Variants in FSHR observed in about 807,000 individuals in gnomAD.
The protein encoded by FSHR is follicle stimulating hormone receptor, also known as follicle-stimulating hormone receptor.
FSHR carries 46 observed loss-of-function variants against 52.1 expected under a neutral mutation model. The observed-to-expected ratio is 0.88, with a 90% CI of 0.70 to 1.13. The LOEUF (loss-of-function observed/expected upper bound fraction) is 1.13. FSHR is among the 50% of genes most tolerant of loss of function. The pLI is 0.00. For missense variants in FSHR, 964 were observed against 834.6 expected (o/e 1.16, Z -1.91); for synonymous variants, 399 against 309.6 (o/e 1.29, Z -3.03).
At position 49,055,183 on chromosome 2, in the gene FSHR, T is replaced by A. The variant is rs952330174; in HGVS notation, c.224+13036A>T. Among the ~76,000 whole-genome samples, 5 of 151,244 alleles carry A rather than the reference T, an allele frequency of 3.3e-5. No homozygotes were observed. The East Asian group carries it at 7.8e-4, about 24-fold the overall frequency. ...GAGTGAGAAAAGTGGCAAAGAGATA[T>A]CACAAAAAAAGAGCCAAACAGAAAT... On this transcript the variant is annotated intron_variant, in intron 2 of 9. Coordinates refer to ENST00000406846, the MANE Select transcript of FSHR (RefSeq NM_000145.4).
At chr2:48,971,371 C>T (rs1048427985) in intron 8 of FSHR, among the ~76,000 whole-genome samples, 2 of 152,172 alleles carry the variant, frequency 1.3e-5, no homozygotes, top group Non-Finnish European at 1.5e-5. Context: ...GACTTCAGCT[C>T]TCGTTGAACA....
rs77424958 is a variant in FSHR, at chr2:49,004,124, A to G, written c.374+13365T>C. Among the ~76,000 whole-genome samples, 491 of 152,216 alleles carry G rather than the reference A, an allele frequency of 3.2e-3. 6 individuals carry two copies. Among genetic ancestry groups the G allele is most frequent in the African/African-American group, 0.012 (479 of 41,534 alleles). Reference sequence around the variant, plus strand: ...GTGCCCCAGGCAGGCCCTGCCAAGGATTTCTCCTTCCCAGGCCAGCTCTAA... The same window carrying G: ...GTGCCCCAGGCAGGCCCTGCCAAGGGTTTCTCCTTCCCAGGCCAGCTCTAA... On this transcript the variant is annotated intron_variant, in intron 4 of 9. Transcript: ENST00000406846.
chr2:49,017,457 T>C (rs771865054), intron 4 of FSHR, 32 bp downstream of exon 4: 2 of 1,521,428 alleles, frequency 1.3e-6, no homozygotes, highest in Admixed American at 1.7e-5. Flanking sequence ...TATTTAATCA[T>C]AGTGGGGGTA....
At chr2:49,080,787 G>C (rs1670137565) in intron 1 of FSHR, among the ~76,000 whole-genome samples, 2 of 152,050 alleles carry the variant, frequency 1.3e-5, no homozygotes, top group South Asian at 4.2e-4. Flanking sequence ...GCAAACAACT[G>C]GTCTGTGAAT....
intron 1 of FSHR, among the ~76,000 whole-genome samples, chr2:49,144,341 T>C (rs1225980991): frequency 1.3e-5 from 2 of 152,202 alleles, no homozygotes; most frequent in Non-Finnish European, 2.9e-5. Flanking sequence ...AAACATCTGC[T>C]TCCAGAGCCA....
chr2:48,977,235 A>AG (rs1675031730), intron 8 of FSHR, among the ~76,000 whole-genome samples: 1 of 152,158 alleles, frequency 6.6e-6, no homozygotes, highest in South Asian at 2.1e-4. Flanking sequence ...TGGCACAGTG[A>AG]GGGAGGGTTA....
At chr2:49,046,028 C>T (rs1305191051) in intron 2 of FSHR, among the ~76,000 whole-genome samples, 1 of 152,116 alleles carries the variant, frequency 6.6e-6, no homozygotes, top group African/African-American at 2.4e-5. Flanking sequence ...GAAAACTCAC[C>T]TACATGACTT....
intron 2 of FSHR, among the ~76,000 whole-genome samples, chr2:49,051,486 T>C (rs1282579595): frequency 6.6e-6 from 1 of 152,166 alleles, no homozygotes; most frequent in Non-Finnish European, 1.5e-5. Flanking sequence ...TATCTTTTTT[T>C]GTGAAGTATC....
At chr2:49,026,529 G>C (rs184168401) in intron 2 of FSHR, among the ~76,000 whole-genome samples, 5 of 152,282 alleles carry the variant, frequency 3.3e-5, no homozygotes, top group African/African-American at 1.2e-4. Context: ...ATAAGTCAAA[G>C]TTCCAAGCAG....
intron 1 of FSHR, among the ~76,000 whole-genome samples, chr2:49,088,144 C>A (rs1013192778): frequency 1.3e-5 from 2 of 152,088 alleles, no homozygotes; most frequent in African/African-American, 4.8e-5. Flanking sequence ...AGTTCTGAAG[C>A]CTGTCTGGTC....
intron 1 of FSHR, among the ~76,000 whole-genome samples, chr2:49,120,684 A>G (rs1286367461): frequency 6.8e-6 from 1 of 146,960 alleles, no homozygotes; most frequent in Non-Finnish European, 1.5e-5. Flanking sequence ...TCATTATCAT[A>G]CCAATTATAC....
At chr2:49,064,126 A>C (rs1669418390) in intron 2 of FSHR, among the ~76,000 whole-genome samples, 2 of 151,802 alleles carry the variant, frequency 1.3e-5, no homozygotes, top group African/African-American at 4.8e-5. Flanking sequence ...AAGATGACAT[A>C]ATCAGTTATG....
Position 49,093,688 on chromosome 2 carries a change from G to A in FSHR, c.153-25398C>T, listed in dbSNP as rs754027877. The stretch of plus-strand genomic sequence containing the variant: ...CAGCTCGCTGCAACCTCTGCCTCCC[G>A]GGTTCAAGCGATCCTCCCGCCTCAG... On this transcript the variant is annotated intron_variant, in intron 1 of 9. Transcript: ENST00000406846. Among the ~76,000 whole-genome samples the A allele has an allele frequency of 4.6e-4, 68 of 148,590 alleles. 1 individual carries two copies. Among genetic ancestry groups the A allele is most frequent in the Non-Finnish European group, 2.4e-4 (16 of 67,568 alleles).
intron 2 of FSHR, among the ~76,000 whole-genome samples, chr2:49,057,534 T>C (rs1416274759): frequency 6.6e-6 from 1 of 152,000 alleles, no homozygotes; most frequent in Admixed American, 6.6e-5. Context: ...GAACAGGTAA[T>C]TGAAAATCTC....
At chr2:48,996,241 C>T (rs1330681155) in intron 4 of FSHR, among the ~76,000 whole-genome samples, 1 of 152,024 alleles carries the variant, frequency 6.6e-6, no homozygotes, top group Non-Finnish European at 1.5e-5. Flanking sequence ...TTCCTCCTGA[C>T]CATTCTGAGA....
At chr2:48,969,504 A>C (rs908969823) in intron 8 of FSHR, among the ~76,000 whole-genome samples, 6 of 152,188 alleles carry the variant, frequency 3.9e-5, no homozygotes, top group African/African-American at 1.4e-4. Context: ...TTGGTCAAGT[A>C]TGTCACTTCT....
chr2:49,052,059 C>A (rs936987932), intron 2 of FSHR, among the ~76,000 whole-genome samples: 3 of 151,824 alleles, frequency 2.0e-5, no homozygotes, highest in Non-Finnish European at 4.4e-5. Flanking sequence ...AACAAAGAAA[C>A]GACAAGAAAA....
intron 8 of FSHR, among the ~76,000 whole-genome samples, chr2:48,977,966 T>C (rs1675067243): frequency 6.6e-6 from 1 of 152,222 alleles, no homozygotes; most frequent in South Asian, 2.1e-4. Context: ...AATATCACTT[T>C]TAACGTTGCA....
chr2:48,990,648 A>G lies in FSHR; in HGVS notation c.375-11T>C, dbSNP rs1397398867. Reference sequence around the variant, plus strand: ...GTGTTGGATATTAACCTAGAGAGAAACAAAATGAGAGTGAGTGAAAATGAA... The same window carrying G: ...GTGTTGGATATTAACCTAGAGAGAAGCAAAATGAGAGTGAGTGAAAATGAA... On this transcript the variant is annotated splice_polypyrimidine_tract_variant and intron_variant, in intron 4 of 9. Coordinates refer to ENST00000406846, the MANE Select transcript of FSHR (RefSeq NM_000145.4). 6.5e-7 allele frequency: 1 copy of G among 1,546,100 alleles called. No homozygotes were observed. The highest frequency in any genetic ancestry group is 2.2e-5 in the East Asian group (1 of 44,546).
Sources: allele counts gnomAD v4.1 joint callset (sites outside exome capture counted in the v4.1 genomes callset), GRCh38; gene constraint gnomAD v4.1.1; transcripts MANE v1.5; gene names NCBI Gene and HGNC (gene_info 2026-07-23, HGNC 2026-07-21).